The following TENM1 variants were observed in gnomAD, a reference collection of about 807,000 sequenced individuals.
TENM1 encodes the protein teneurin-1.
In TENM1, 35 loss-of-function variants were observed where a neutral mutation model predicts 174.8. The ratio of observed to expected loss-of-function variants is 0.20; its 90% CI spans 0.15 to 0.27. The LOEUF is 0.27. Ranked by LOEUF, TENM1 falls within the 10% of genes least tolerant of loss-of-function variation. TENM1 has a pLI of 1.00. For synonymous variants in TENM1, 781 were observed against 798.7 expected, an observed-to-expected ratio of 0.98 and a Z score of 0.37; for missense variants, 1,633 against 2,130.1, an observed-to-expected ratio of 0.77 and a Z score of 4.59.
At chrX:124,420,949 A>G (rs2060645373) in intron 24 of TENM1, 128 bp from the exon 28 acceptor site, 3 of 609,835 alleles carry the variant, frequency 4.9e-6, no homozygotes, top group East Asian at 3.4e-5. Context: ...CATTCTCTGT[A>G]TTCCCTCCCT....
chrX:124,406,968 G>A (rs1433895929), intron 25 of TENM1, among the ~76,000 whole-genome samples: 1 of 111,913 alleles, frequency 8.9e-6, no homozygotes, highest in African/African-American at 3.2e-5. Flanking sequence ...TGCTGTTTAA[G>A]TTGCCAAATT....
chrX:124,809,583 T>C (rs1000542365), intron 3 of TENM1, among the ~76,000 whole-genome samples: 1 of 111,268 alleles, frequency 9.0e-6, no homozygotes, highest in Non-Finnish European at 1.9e-5. Context: ...CAAAAACATA[T>C]GATAATTTCA....
At chrX:124,794,629 G>A (rs2055262418) in intron 3 of TENM1, among the ~76,000 whole-genome samples, 1 of 110,630 alleles carries the variant, frequency 9.0e-6, no homozygotes, top group Non-Finnish European at 1.9e-5. Flanking sequence ...CCTATTTACT[G>A]TACAATAGTC....
At chrX:124,771,040 T>C (rs758977886) in intron 3 of TENM1, among the ~76,000 whole-genome samples, 1 of 112,284 alleles carries the variant, frequency 8.9e-6, no homozygotes, top group South Asian at 3.7e-4. Context: ...ATTCTAGTTC[T>C]ATATGTATAG....
rs192411545 is a variant in TENM1, at chrX:124,550,510, C to T, written c.2435-3420G>A. ...AGCCTGTTAGGTTGATATTCTCATC[C>T]CTATATTACAAACAAAGAAGGGGAG... On this transcript the variant is annotated intron_variant, in intron 14 of 31. Transcript: ENST00000422452. Among the ~76,000 whole-genome samples, 3 of 111,390 alleles carry T rather than the reference C, an allele frequency of 2.7e-5. No homozygotes were observed. The East Asian group carries it at 8.5e-4, about 32-fold the overall frequency.
the TENM1 span, among the ~76,000 whole-genome samples, chrX:125,007,812 T>C: frequency 9.0e-6 from 1 of 111,326 alleles, no homozygotes; most frequent in Non-Finnish European, 1.9e-5. Flanking sequence ...AATAAAATAC[T>C]TTCCAGACAA....
chrX:124,894,072 T>C (rs908557332), intron 3 of TENM1, among the ~76,000 whole-genome samples: 3 of 111,784 alleles, frequency 2.7e-5, no homozygotes, highest in Non-Finnish European at 5.6e-5. Context: ...TGTTTTATCC[T>C]TCTCCCTAGC....
chrX:124,678,302 T>C (rs931659846), intron 5 of TENM1, among the ~76,000 whole-genome samples: 21 of 111,418 alleles, frequency 1.9e-4, no homozygotes, highest in African/African-American at 6.5e-4. Flanking sequence ...ATGCATATTC[T>C]ACGATCTGGT....
intron 1 of TENM1, among the ~76,000 whole-genome samples, chrX:124,916,324 T>C (rs2057923514): frequency 9.0e-6 from 1 of 111,335 alleles, no homozygotes; most frequent in Non-Finnish European, 1.9e-5. Context: ...TTTTTTCTTT[T>C]TGAGATCTGG....
At chrX:125,044,825 C>T in the TENM1 span, among the ~76,000 whole-genome samples, 1 of 111,225 alleles carries the variant, frequency 9.0e-6, no homozygotes, top group Non-Finnish European at 1.9e-5. Flanking sequence ...GGAAAAATTT[C>T]AAATTTGTTA....
chrX:125,058,080 G>A, the TENM1 span, among the ~76,000 whole-genome samples: 1 of 111,898 alleles, frequency 8.9e-6, no homozygotes, highest in East Asian at 2.8e-4. Flanking sequence ...AGAAAAAGTG[G>A]TGAATCTTGG....
the TENM1 span, among the ~76,000 whole-genome samples, chrX:124,968,904 A>C: frequency 8.9e-6 from 1 of 112,133 alleles, no homozygotes; most frequent in Non-Finnish European, 1.9e-5. Flanking sequence ...AGAAAACATT[A>C]AGAAAAAGAT....
chrX:124,691,879 T>G (rs1442358026), intron 5 of TENM1, among the ~76,000 whole-genome samples: 1 of 111,600 alleles, frequency 9.0e-6, no homozygotes, highest in Non-Finnish European at 1.9e-5. Context: ...ATTTAACATG[T>G]GGTGTGTTCG....
At chrX:124,977,963 TGTGTGAGAGAGAGAGA>T in the TENM1 span, among the ~76,000 whole-genome samples, 1,828 of 40,306 alleles carry the variant, frequency 0.045, 41 homozygotes, top group Non-Finnish European at 0.061. Flanking sequence ...TGTGTGTGTG[TGTGTGAGAGAGAGAGA>T]GAGAGAGAGA....
At chrX:124,546,046 TAA>T (rs2048421596) in intron 15 of TENM1, among the ~76,000 whole-genome samples, 1 of 111,896 alleles carries the variant, frequency 8.9e-6, no homozygotes, top group East Asian at 2.8e-4. Context: ...GATATCAATA[TAA>T]ACTCTTGACC....
the TENM1 span, among the ~76,000 whole-genome samples, chrX:125,111,394 C>T: frequency 9.0e-6 from 1 of 110,738 alleles, no homozygotes; most frequent in East Asian, 2.8e-4. Context: ...CACAGTGACA[C>T]AGTGAGACCT....
At chrX:125,169,172 A>G in the TENM1 span, among the ~76,000 whole-genome samples, 1 of 111,279 alleles carries the variant, frequency 9.0e-6, no homozygotes, top group Non-Finnish European at 1.9e-5. Context: ...TAGATATTAT[A>G]TTGTAACTCC....
At position 124,587,562 on chromosome X, in the gene TENM1, G is replaced by A. The variant is rs1481147329; in HGVS notation, c.2078-22002C>T. The stretch of plus-strand genomic sequence containing the variant: ...TTCAAGATGGATTAAAGACTTAAAC[G>A]TTAGACCTAAAACCATAAAAACCCT... On this transcript the variant is annotated intron_variant, in intron 11 of 31. Transcript: ENST00000422452. Among the ~76,000 whole-genome samples, 5 of 111,236 alleles carry A rather than the reference G, an allele frequency of 4.5e-5. No individual in the cohort carries two copies. In the East Asian group the frequency reaches 8.4e-4, roughly 19 times the overall value.
intron 7 of TENM1, among the ~76,000 whole-genome samples, chrX:124,652,804 C>T (rs1226745881): frequency 4.4e-5 from 5 of 112,361 alleles, no homozygotes; most frequent in Non-Finnish European, 9.4e-5. Context: ...GGACCTGGCA[C>T]ATGTTTCCTT....
Sources: gnomAD v4.1 joint callset for allele counts (sites outside exome capture counted in the v4.1 genomes callset) on GRCh38, gnomAD v4.1.1 for gene constraint, MANE v1.5 for transcripts, NCBI Gene and HGNC (gene_info 2026-07-23, HGNC 2026-07-21) for gene names.